GRIK2: variants seen among roughly 807,000 people sequenced by gnomAD.
GRIK2 encodes glutamate ionotropic receptor kainate type subunit 2, also known as glutamate receptor ionotropic, kainate 2.
GRIK2 carries 32 observed loss-of-function variants against 100.3 expected under a neutral mutation model. The ratio of observed to expected loss-of-function variants is 0.32; its 90% CI spans 0.24 to 0.43. GRIK2 has a LOEUF of 0.43. Ranked by LOEUF, GRIK2 falls within the 20% of genes least tolerant of loss-of-function variation. The probability of loss-of-function intolerance (pLI) is 1.00; values close to 1 mark genes in which losing one functional copy is unlikely to be tolerated. For synonymous variants in GRIK2, 417 were observed against 389.4 expected (o/e 1.07, Z -0.83); for missense variants, 843 against 1,114.9 (o/e 0.76, Z 3.47).
intron 9 of GRIK2, among the ~76,000 whole-genome samples, chr6:101,815,603 T>G (rs1781584948): frequency 6.8e-6 from 1 of 147,544 alleles, no homozygotes; most frequent in Non-Finnish European, 1.5e-5. Flanking sequence ...TTAAGCATCT[T>G]AATTGCGTTT....
At chr6:101,431,766 C>A (rs980557416) in intron 2 of GRIK2, among the ~76,000 whole-genome samples, 5 of 152,162 alleles carry the variant, frequency 3.3e-5, no homozygotes, top group African/African-American at 1.2e-4. Flanking sequence ...TTTATAACTA[C>A]TGATTTAATA....
intron 14 of GRIK2, among the ~76,000 whole-genome samples, chr6:102,025,751 T>C (rs1208585272): frequency 2.0e-5 from 3 of 151,288 alleles, no homozygotes; most frequent in Non-Finnish European, 4.4e-5. Context: ...ACAGGGGTCA[T>C]GTTTTGTTTT....
chr6:101,766,616 G>A (rs890253147), intron 7 of GRIK2, among the ~76,000 whole-genome samples: 1 of 152,120 alleles, frequency 6.6e-6, no homozygotes, highest in Non-Finnish European at 1.5e-5. Flanking sequence ...ACTACAGCAT[G>A]TCTTTATGGC....
At chr6:101,788,054 G>A (rs1779555435) in intron 7 of GRIK2, among the ~76,000 whole-genome samples, 1 of 151,580 alleles carries the variant, frequency 6.6e-6, no homozygotes, top group Admixed American at 6.6e-5. Flanking sequence ...GACCTGGTTT[G>A]TCTCTTTGTA....
chr6:102,048,167 C>T (rs754700884), intron 15 of GRIK2, among the ~76,000 whole-genome samples: 53 of 150,772 alleles, frequency 3.5e-4, no homozygotes, highest in Non-Finnish European at 7.1e-4. Context: ...AAGCAGAAGA[C>T]GTAATTTGGT....
chr6:101,835,720 C>T (rs1177961413), intron 10 of GRIK2, among the ~76,000 whole-genome samples: 1 of 147,756 alleles, frequency 6.8e-6, no homozygotes, highest in East Asian at 2.0e-4. Context: ...CCGCCTCGGC[C>T]TCCCAAAGTG....
intron 14 of GRIK2, among the ~76,000 whole-genome samples, chr6:101,990,985 A>G (rs963367307): frequency 3.3e-5 from 5 of 151,966 alleles, no homozygotes; most frequent in African/African-American, 9.7e-5. Flanking sequence ...ATTTACCACA[A>G]AAGATATCAT....
intron 14 of GRIK2, among the ~76,000 whole-genome samples, chr6:101,971,505 T>G (rs944178780): frequency 1.3e-5 from 2 of 152,022 alleles, no homozygotes; most frequent in African/African-American, 4.8e-5. Flanking sequence ...TCAAGGTTAT[T>G]TTCTAAACAT....
At chr6:101,915,831 T>G (rs1454203170) in intron 12 of GRIK2, among the ~76,000 whole-genome samples, 3 of 151,518 alleles carry the variant, frequency 2.0e-5, no homozygotes, top group Non-Finnish European at 4.4e-5. Context: ...AAATTAATGG[T>G]TTTGAAAAAT....
intron 2 of GRIK2, among the ~76,000 whole-genome samples, chr6:101,597,371 C>A (rs1337419): frequency 0.35 from 53,364 of 151,364 alleles, 9,822 homozygotes; most frequent in African/African-American, 0.46. Context: ...CCCTGAATCT[C>A]AATAAAAGTT....
chr6:101,719,077 A>T (rs1402091817), intron 7 of GRIK2, among the ~76,000 whole-genome samples: 1 of 149,284 alleles, frequency 6.7e-6, no homozygotes, highest in Non-Finnish European at 1.5e-5. Flanking sequence ...ATGATGTTTT[A>T]AATTTGAATA....
chr6:102,066,707 G>A lies in GRIK2; in HGVS notation c.2563-1640G>A, dbSNP rs182948596. 2.6e-5 allele frequency among the ~76,000 whole-genome samples: 4 copies of A among 151,618 alleles called. No homozygotes were observed. The South Asian group carries it at 6.2e-4, about 24-fold the overall frequency. Reference sequence around the variant, plus strand: ...GATGGAAGCAGTGGGGAAGGGAGAAGAGGGCTAGATCAGAGAAGTCATGAT... The same window carrying A: ...GATGGAAGCAGTGGGGAAGGGAGAAAAGGGCTAGATCAGAGAAGTCATGAT... On this transcript the variant is annotated intron_variant, in intron 16 of 16. Transcript: ENST00000369134.
intron 4 of GRIK2, among the ~76,000 whole-genome samples, chr6:101,659,896 C>G (rs1769482981): frequency 6.6e-6 from 1 of 152,064 alleles, no homozygotes; most frequent in Non-Finnish European, 1.5e-5. Context: ...TCTGGCTGCC[C>G]TTAACATTTT....
At chr6:101,838,439 G>C (rs1783279990) in intron 10 of GRIK2, among the ~76,000 whole-genome samples, 1 of 152,010 alleles carries the variant, frequency 6.6e-6, no homozygotes, top group Non-Finnish European at 1.5e-5. Flanking sequence ...GTAACAAAAA[G>C]GTCATGGATT....
At chr6:101,729,972 A>G (rs1178874922) in intron 7 of GRIK2, among the ~76,000 whole-genome samples, 1 of 151,990 alleles carries the variant, frequency 6.6e-6, no homozygotes, top group Non-Finnish European at 1.5e-5. Context: ...CACTGTTTAC[A>G]TAATTATTTG....
chr6:101,403,760 G>A (rs111931541), intron 2 of GRIK2, among the ~76,000 whole-genome samples: 4 of 152,292 alleles, frequency 2.6e-5, no homozygotes, highest in African/African-American at 7.2e-5. Flanking sequence ...TCTGGAAGCA[G>A]GAAAACTGAC....
intron 7 of GRIK2, among the ~76,000 whole-genome samples, chr6:101,691,423 G>A (rs556672809): frequency 2.6e-5 from 4 of 151,338 alleles, no homozygotes; most frequent in South Asian, 4.2e-4. Flanking sequence ...CTCAGCCTCC[G>A]AGTAGCTGGG....
Position 101,833,935 on chromosome 6 carries a change from C to A in GRIK2, c.1317+15452C>A, listed in dbSNP as rs551303227. On this transcript the variant is annotated intron_variant, in intron 10 of 16. Coordinates refer to ENST00000369134, the MANE Select transcript of GRIK2 (RefSeq NM_021956.5). ...TCAGAGCATTTACTATGGTCTAAAG[C>A]AGTTTTTGGATTATGAGGTTGTTTT... 2.0e-5 allele frequency among the ~76,000 whole-genome samples: 3 copies of A among 152,004 alleles called. No individual in the cohort carries two copies. In the South Asian group the frequency reaches 6.2e-4, roughly 31 times the overall value.
At chr6:101,507,105 T>A (rs763514849) in intron 2 of GRIK2, among the ~76,000 whole-genome samples, 2 of 152,142 alleles carry the variant, frequency 1.3e-5, no homozygotes, top group Non-Finnish European at 2.9e-5. Context: ...GAAAAATTTA[T>A]AACTGATTTG....
Sources: gnomAD v4.1 joint callset for allele counts (sites outside exome capture counted in the v4.1 genomes callset) on GRCh38, gnomAD v4.1.1 for gene constraint, MANE v1.5 for transcripts, NCBI Gene and HGNC (gene_info 2026-07-23, HGNC 2026-07-21) for gene names.